The following CELF2 variants were observed in gnomAD, a reference collection of about 807,000 sequenced individuals.
CELF2 encodes the protein CUGBP Elav-like family member 2.
CELF2 carries 8 observed loss-of-function variants against 62.6 expected under a neutral mutation model. The observed-to-expected ratio is 0.13, with a 90% CI of 0.07 to 0.23. The LOEUF (loss-of-function observed/expected upper bound fraction) is 0.23, where lower values mean the gene tolerates loss of function less well. CELF2 is among the 10% of genes least tolerant of loss of function. The pLI, the probability that CELF2 is intolerant of heterozygous loss-of-function variation, is 1.00. For missense variants in CELF2, 333 were observed against 671.0 expected, an observed-to-expected ratio of 0.50 and a Z score of 5.56; for synonymous variants, 258 against 250.0, an observed-to-expected ratio of 1.03 and a Z score of -0.30.
intron 1 of CELF2, among the ~76,000 whole-genome samples, chr10:10,883,805 G>T (rs1341110004): frequency 6.6e-6 from 1 of 152,116 alleles, no homozygotes; most frequent in Non-Finnish European, 1.5e-5. Context: ...ATATGGTTTT[G>T]CCTAATATGT....
chr10:10,535,911 G>A, the CELF2 span, among the ~76,000 whole-genome samples: 1 of 152,062 alleles, frequency 6.6e-6, no homozygotes, highest in Non-Finnish European at 1.5e-5. Flanking sequence ...CATAAAGTGA[G>A]CAAACCTGTG....
Position 11,165,237 on chromosome 10 carries a change from G to A in CELF2, c.75-249G>A. The A allele has an allele frequency of 7.5e-7, 1 of 1,330,172 alleles. No homozygotes were observed. Among genetic ancestry groups the A allele is most frequent in the East Asian group, 3.2e-5 (1 of 31,058 alleles). 82.4% of individuals were successfully genotyped at this position (1,330,172 alleles called of 1,614,324 possible). ...TCCACGCCCTGGGTGACAGGCGGCA[G>A]GGCGCTGCCCCGTGCTCCCCCGGCT... On this transcript the variant is annotated intron_variant, in intron 1 of 12. Coordinates refer to ENST00000633077, the MANE Select transcript of CELF2 (RefSeq NM_001326342.2). This position sits in a 1 kb window ranked among gnomAD's most constrained non-coding sequence, Gnocchi z 7.4.
the CELF2 span, among the ~76,000 whole-genome samples, chr10:10,558,365 T>A: frequency 6.6e-6 from 1 of 151,642 alleles, no homozygotes; most frequent in Non-Finnish European, 1.5e-5. Flanking sequence ...TGAACCAGCC[T>A]TGCATCCCAG....
intron 9 of CELF2, among the ~76,000 whole-genome samples, chr10:11,307,239 C>G (rs779713828): frequency 5.9e-5 from 9 of 152,252 alleles, no homozygotes; most frequent in Non-Finnish European, 1.3e-4. Flanking sequence ...GGGCACTACT[C>G]TGGAGGCACC....
intron 2 of CELF2, among the ~76,000 whole-genome samples, chr10:11,186,751 A>C (rs1271207789): frequency 6.6e-6 from 1 of 152,208 alleles, no homozygotes; most frequent in African/African-American, 2.4e-5. Context: ...ATGCTCAACC[A>C]GTAAGTATAA....
chr10:11,018,640 G>C (rs1034023049), intron 1 of CELF2: 6 of 152,158 alleles, frequency 3.9e-5, no homozygotes, highest in Non-Finnish European at 8.8e-5. Context: ...GACCGGGCGG[G>C]GTCTGGGGGT....
chr10:10,890,530 A>G (rs1406921358), intron 1 of CELF2, among the ~76,000 whole-genome samples: 2 of 152,222 alleles, frequency 1.3e-5, no homozygotes, highest in African/African-American at 2.4e-5. Context: ...ATGGACATGG[A>G]TGAAATTTAG....
chr10:10,638,461 A>G, the CELF2 span, among the ~76,000 whole-genome samples: 1 of 152,258 alleles, frequency 6.6e-6, no homozygotes, highest in Non-Finnish European at 1.5e-5. Flanking sequence ...GAGCTAGTCC[A>G]TACAGTATCT....
the CELF2 span, among the ~76,000 whole-genome samples, chr10:10,483,937 G>GTC: frequency 2.4e-5 from 3 of 122,948 alleles, no homozygotes; most frequent in Non-Finnish European, 5.1e-5. Context: ...ACTCTCTCTC[G>GTC]TCTCTCTCTC....
chr10:10,481,403 G>A, the CELF2 span, among the ~76,000 whole-genome samples: 1 of 152,124 alleles, frequency 6.6e-6, no homozygotes, highest in Admixed American at 6.6e-5. Flanking sequence ...ATGAGTACAT[G>A]AGCTAATTAA....
rs898258179 is a variant in CELF2 at position 11,324,295 on chromosome 10, T to C, written c.1295-1541T>C. ...TTGTGCATTTGGATCTTTTGTGCAGTAGCAACATGAAAGCTGGTAGCACCA... is the reference window on the plus strand; with the variant it reads ...TTGTGCATTTGGATCTTTTGTGCAGCAGCAACATGAAAGCTGGTAGCACCA... On this transcript the variant is annotated intron_variant, in intron 11 of 12. Transcript: ENST00000633077. The surrounding 1 kb of genome is among the most constrained non-coding windows in gnomAD (Gnocchi z 4.7). Among the ~76,000 whole-genome samples the C allele has an allele frequency of 2.6e-5, 4 of 152,186 alleles. No homozygotes were observed. Among genetic ancestry groups the C allele is most frequent in the African/African-American group, 2.4e-5 (1 of 41,446 alleles).
At chr10:11,200,058 T>A (rs1224980406) in intron 2 of CELF2, among the ~76,000 whole-genome samples, 1 of 152,212 alleles carries the variant, frequency 6.6e-6, no homozygotes, top group Admixed American at 6.5e-5. Context: ...GATTTCTAGT[T>A]GTGGTTGAGA....
chr10:10,665,275 G>A, the CELF2 span, among the ~76,000 whole-genome samples: 12 of 152,230 alleles, frequency 7.9e-5, no homozygotes, highest in East Asian at 5.8e-4. Flanking sequence ...GAGCTATGCC[G>A]GCAAATTTGT....
At chr10:10,781,256 T>G in the CELF2 span, among the ~76,000 whole-genome samples, 2 of 152,198 alleles carry the variant, frequency 1.3e-5, no homozygotes, top group East Asian at 3.9e-4. Flanking sequence ...TTAAATACAT[T>G]TAGATACACA....
At chr10:11,029,317 G>A (rs989588551) in intron 1 of CELF2, among the ~76,000 whole-genome samples, 1 of 152,200 alleles carries the variant, frequency 6.6e-6, no homozygotes, top group Non-Finnish European at 1.5e-5. Flanking sequence ...GTAGCTGATA[G>A]GGTCTTTGGA....
intron 2 of CELF2, chr10:10,960,266 A>G (rs1427990687): frequency 6.6e-6 from 1 of 152,224 alleles, no homozygotes; most frequent in Non-Finnish European, 1.5e-5. Context: ...GTGGCAGGAA[A>G]AGTCTTCTTG....
Position 11,207,487 on chromosome 10 carries a change from C to T in CELF2, c.272-9938C>T, listed in dbSNP as rs983121296. 3.9e-5 allele frequency among the ~76,000 whole-genome samples: 6 copies of T among 152,162 alleles called. No homozygotes were observed. Among genetic ancestry groups the T allele is most frequent in the Admixed American group, 6.5e-5 (1 of 15,286 alleles). The stretch of plus-strand genomic sequence containing the variant: ...CCCCAGTGAGATCATTGTTCCCTCC[C>T]GGGCTGAAAAGGTGGCTCAGATTTG... On this transcript the variant is annotated intron_variant, in intron 2 of 12. Coordinates refer to ENST00000633077, the MANE Select transcript of CELF2 (RefSeq NM_001326342.2). The surrounding 1 kb of genome is among the most constrained non-coding windows in gnomAD (Gnocchi z 4.1).
At chr10:10,962,536 A>C (rs1457963677) in intron 2 of CELF2, among the ~76,000 whole-genome samples, 1 of 152,170 alleles carries the variant, frequency 6.6e-6, no homozygotes, top group Non-Finnish European at 1.5e-5. Flanking sequence ...CAGCCTGAGC[A>C]GCAGAGCAAG....
chr10:11,125,339 G>C (rs1047083557), intron 1 of CELF2, among the ~76,000 whole-genome samples: 8 of 151,982 alleles, frequency 5.3e-5, no homozygotes, highest in African/African-American at 1.9e-4. Flanking sequence ...GCTAGGAATC[G>C]GGATTTTTCA....
Sources: allele counts gnomAD v4.1 joint callset (sites outside exome capture counted in the v4.1 genomes callset), GRCh38; gene constraint gnomAD v4.1.1; non-coding constraint Gnocchi (gnomAD v3.1); transcripts MANE v1.5; gene names NCBI Gene and HGNC (gene_info 2026-07-23, HGNC 2026-07-21).